The following INTS6L variants were observed in gnomAD, a reference collection of about 807,000 sequenced individuals.
The protein encoded by INTS6L is integrator complex subunit 6 like, also known as integrator complex subunit 6-like.
INTS6L carries 18 observed loss-of-function variants against 64.7 expected under a neutral mutation model. The observed-to-expected ratio is 0.28, with a 90% CI of 0.19 to 0.41. The LOEUF (loss-of-function observed/expected upper bound fraction) is 0.41. Among genes scored for constraint, INTS6L ranks in the 10% least tolerant of loss-of-function variants. INTS6L has a pLI of 1.00. For missense variants in INTS6L, 533 were observed against 661.0 expected (o/e 0.81, Z 2.12); for synonymous variants, 227 against 235.9 (o/e 0.96, Z 0.34).
intron 6 of INTS6L, 55 bp downstream of exon 6, chrX:135,547,320 A>G (rs1174980043): frequency 3.0e-5 from 33 of 1,115,830 alleles, no homozygotes; most frequent in Non-Finnish European, 3.8e-5. Flanking sequence ...ATGAGAAGAC[A>G]TTAAATAAAT....
intron 2 of INTS6L, among the ~76,000 whole-genome samples, chrX:135,531,609 A>C (rs781919586): frequency 4.5e-5 from 5 of 111,908 alleles, no homozygotes; most frequent in African/African-American, 1.6e-4. Flanking sequence ...TGCTTTGACC[A>C]CTGTACCAGC....
chrX:135,537,337 T>C (rs1184234047), intron 2 of INTS6L, among the ~76,000 whole-genome samples: 3 of 112,553 alleles, frequency 2.7e-5, no homozygotes, highest in African/African-American at 6.5e-5. Context: ...AATTAACATA[T>C]TGAATTAACA....
chrX:135,573,111 G>C (rs1230413908), intron 12 of INTS6L, 78 bp downstream of exon 12: 4 of 870,653 alleles, frequency 4.6e-6, no homozygotes, highest in African/African-American at 2.0e-5. Context: ...CTTTAGTTTT[G>C]AAATAATGGA....
chrX:135,525,621 T>G (rs2085712735), intron 2 of INTS6L, among the ~76,000 whole-genome samples: 1 of 112,581 alleles, frequency 8.9e-6, no homozygotes, highest in African/African-American at 3.2e-5. Flanking sequence ...TAGGAAGTAA[T>G]TTAAGCTTTT....
chrX:135,545,282 C>G, intron 2 of INTS6L, 141 bp from the exon 3 acceptor site: 2 of 769,801 alleles, frequency 2.6e-6, no homozygotes, highest in Non-Finnish European at 3.7e-6. Context: ...TTAGTTCTAC[C>G]TGATCAGTGA....
intron 6 of INTS6L, among the ~76,000 whole-genome samples, chrX:135,547,479 G>A (rs1412122763): frequency 8.9e-6 from 1 of 111,996 alleles, no homozygotes; most frequent in Non-Finnish European, 1.9e-5. Context: ...TCCTAAGAAC[G>A]TGTTTCCTTT....
At chrX:135,555,698 A>G (rs1569511566) in intron 8 of INTS6L, among the ~76,000 whole-genome samples, 1 of 110,822 alleles carries the variant, frequency 9.0e-6, no homozygotes, top group East Asian at 2.8e-4. Flanking sequence ...ATTTAGTAGG[A>G]TTTTTTTTGA....
In INTS6L at chrX:135,545,455, G is replaced by A. The variant is rs782311581; in HGVS notation, c.222G>A (p.Met74Ile). ...AGWKENHATF[M>I]SELKNLQASG... Reference sequence around the variant, plus strand: ...GGAAGGAAAATCATGCAACATTCATGAGCGAACTAAAAAATCTTCAGGCTT... The same window carrying A: ...GGAAGGAAAATCATGCAACATTCATAAGCGAACTAAAAAATCTTCAGGCTT... Residue 74 changes from methionine (M) to isoleucine (I), a missense_variant, in exon 3 of 18, where the codon ATG becomes ATA. Met to Ile is a conservative substitution (Grantham distance 10). Transcript: ENST00000639893. 1 of 1,207,487 alleles carries A rather than the reference G, an allele frequency of 8.3e-7. No individual in the cohort carries two copies. The highest frequency in any genetic ancestry group is 1.1e-6 in the Non-Finnish European group (1 of 894,718).
intron 2 of INTS6L, among the ~76,000 whole-genome samples, chrX:135,543,587 T>C (rs900623344): frequency 3.6e-5 from 4 of 111,752 alleles, no homozygotes; most frequent in Non-Finnish European, 7.5e-5. Flanking sequence ...CTAATTCCTC[T>C]CTATATCCCC....
At chrX:135,571,624 C>T (rs2087093070) in intron 11 of INTS6L, 1 of 112,160 alleles carries the variant, frequency 8.9e-6, no homozygotes, top group African/African-American at 3.2e-5. Flanking sequence ...TACCAAGTGT[C>T]CCCCTAACCT....
chrX:135,550,175 G>A (rs554192150), intron 7 of INTS6L, among the ~76,000 whole-genome samples: 1 of 112,255 alleles, frequency 8.9e-6, no homozygotes, highest in South Asian at 3.7e-4. Flanking sequence ...TTCATGCACA[G>A]CCTCAGGAAG....
chrX:135,529,328 A>G (rs1556503365), intron 2 of INTS6L, among the ~76,000 whole-genome samples: 2 of 111,900 alleles, frequency 1.8e-5, no homozygotes, highest in Non-Finnish European at 3.8e-5. Flanking sequence ...GGGAATTTGT[A>G]TCACTGCTGT....
At chrX:135,554,883 C>CTTTTTTTTTTTTTTTTTTTTTTTTTT (rs35845600) in intron 8 of INTS6L, among the ~76,000 whole-genome samples, 1 of 50,472 alleles carries the variant, frequency 2.0e-5, no homozygotes, top group Non-Finnish European at 3.1e-5. Context: ...ACCAGCATAA[C>CTTTTTTTTTTTTTTTTTTTTTTTTTT]TTTTTTTTTT....
intron 2 of INTS6L, among the ~76,000 whole-genome samples, chrX:135,543,188 CT>C (rs2086267061): frequency 9.0e-6 from 1 of 111,125 alleles, no homozygotes; most frequent in Non-Finnish European, 1.9e-5. Context: ...AAATAAAGAT[CT>C]GATCATACCA....
chrX:135,546,971 G>C (rs932840390), intron 5 of INTS6L, 86 bp downstream of exon 5: 7 of 1,126,896 alleles, frequency 6.2e-6, no homozygotes, highest in Non-Finnish European at 8.3e-6. Context: ...GTCTTTACTT[G>C]TTTTCCTTCA....
chrX:135,555,518 T>C (rs968538847), intron 8 of INTS6L, among the ~76,000 whole-genome samples: 6 of 112,299 alleles, frequency 5.3e-5, no homozygotes, highest in African/African-American at 1.9e-4. Flanking sequence ...AGTTAATTTG[T>C]TTTAGTGGCT....
intron 2 of INTS6L, among the ~76,000 whole-genome samples, chrX:135,537,668 G>A (rs2086091222): frequency 9.0e-6 from 1 of 111,220 alleles, no homozygotes; most frequent in Non-Finnish European, 1.9e-5. Flanking sequence ...TAGATGTCAG[G>A]GAAAGTAGGC....
intron 9 of INTS6L, among the ~76,000 whole-genome samples, chrX:135,557,308 C>T (rs1556519757): frequency 9.0e-6 from 1 of 111,642 alleles, no homozygotes; most frequent in African/African-American, 3.3e-5. Flanking sequence ...TCAGTTTCCA[C>T]AACTATAAAG....
Position 135,554,883 on chromosome X carries a change from C to CTTTTTTTT in INTS6L, c.1060-1267_1060-1260dup, listed in dbSNP as rs35845600. On this transcript the variant is annotated intron_variant, in intron 8 of 17. Transcript: ENST00000639893. ...CTGAATGTTTACTCTACCAGCATAA[C>CTTTTTTTT]TTTTTTTTTTTTTTTTTTTTTTTTT... Among the ~76,000 whole-genome samples the CTTTTTTTT allele has an allele frequency of 3.2e-4, 16 of 50,474 alleles. 2 individuals are homozygous for CTTTTTTTT. The highest frequency in any genetic ancestry group is 4.1e-4 in the Non-Finnish European group (13 of 31,769). The allele number at this position is 50,474 out of a possible 115,157, so 43.8% of individuals were successfully genotyped here.
Sources: gnomAD v4.1 joint callset for allele counts (sites outside exome capture counted in the v4.1 genomes callset) on GRCh38, gnomAD v4.1.1 for gene constraint, MANE v1.5 for transcripts, NCBI Gene and HGNC (gene_info 2026-07-23, HGNC 2026-07-21) for gene names.